IYD: variants seen among roughly 807,000 people sequenced by gnomAD.
The protein encoded by IYD is iodotyrosine deiodinase 1.
Under a neutral mutation model 28.4 loss-of-function variants are expected in IYD, and 25 were observed. The observed-to-expected ratio is 0.88, with a 90% CI of 0.64 to 1.23. The LOEUF is 1.23. Among genes scored for constraint, IYD ranks in the 50% most tolerant of loss-of-function variants. The probability of loss-of-function intolerance (pLI) is 0.00; values close to 1 mark genes in which losing one functional copy is unlikely to be tolerated. For missense variants in IYD, 352 were observed against 357.9 expected, an observed-to-expected ratio of 0.98 and a Z score of 0.13; for synonymous variants, 140 against 130.8, an observed-to-expected ratio of 1.07 and a Z score of -0.48.
At chr6:150,369,590 A>C (rs577283290) in intron 1 of IYD, among the ~76,000 whole-genome samples, 82 of 152,298 alleles carry the variant, frequency 5.4e-4, no homozygotes, top group African/African-American at 1.8e-3. Flanking sequence ...GGCATCACCT[A>C]GGAGGCTGCT....
At chr6:150,388,937 A>G (rs1778004655) in intron 1 of IYD, among the ~76,000 whole-genome samples, 1 of 151,992 alleles carries the variant, frequency 6.6e-6, no homozygotes, top group Non-Finnish European at 1.5e-5. Context: ...CCCAACCTCA[A>G]GTGATCCGCC....
Position 150,399,119 on chromosome 6 carries a change from G to A in IYD, c.*882G>A, listed in dbSNP as rs1033019354. ...GGGTACCCTTGGGTCGCACGGGCCT[G>A]GCTGGCATGTAAACGGTCAGTTGCA... On this transcript the variant is annotated 3_prime_UTR_variant, in exon 5 of 5. Transcript: ENST00000344419. 6.6e-6 allele frequency: 1 copy of A among 152,236 alleles called. No homozygotes were observed. Among genetic ancestry groups the A allele is most frequent in the African/African-American group, 2.4e-5 (1 of 41,432 alleles). 9.4% of individuals were successfully genotyped at this position (152,236 alleles called of 1,614,324 possible). A position where few individuals can be genotyped will look rare whatever the true frequency, so the allele number is the denominator to read the frequency against.
chr6:150,378,792 T>C (rs564087524), intron 1 of IYD, among the ~76,000 whole-genome samples: 1 of 152,296 alleles, frequency 6.6e-6, no homozygotes, highest in African/African-American at 2.4e-5. Flanking sequence ...CATTACTGGG[T>C]ATATACCCAA....
intron 2 of IYD, among the ~76,000 whole-genome samples, chr6:150,390,315 A>T (rs1778066990): frequency 6.6e-6 from 1 of 152,242 alleles, no homozygotes; most frequent in African/African-American, 2.4e-5. Flanking sequence ...CCTAACTAAC[A>T]GCAGTTACTA....
At position 150,394,195 on chromosome 6, in the gene IYD, C is replaced by T. The variant is rs1293236477; in HGVS notation, c.627C>T (p.Val209=). 1 of 1,614,188 alleles carries T rather than the reference C, an allele frequency of 6.2e-7. No homozygotes were observed. Among genetic ancestry groups the T allele is most frequent in the Non-Finnish European group, 8.5e-7 (1 of 1,180,036 alleles). ...TCGCCGCAAATGGCAAGAAAAAAGT[C>T]CACTACTACAATGAGATCAGTGTTT... ...HGFAANGKKK[V]HYYNEISVSI... Residue 209 remains valine (V), a synonymous_variant, in exon 4 of 5, where the codon GTC becomes GTT. Transcript: ENST00000344419.
In IYD at chr6:150,404,356, A is replaced by G. The variant is rs560333203; in HGVS notation, c.*6119A>G. On this transcript the variant is annotated 3_prime_UTR_variant, in exon 5 of 5. Coordinates refer to ENST00000344419, the MANE Select transcript of IYD (RefSeq NM_203395.3). Reference sequence around the variant, plus strand: ...TTAAAAAGCTTATGATTCCAATTTGAAATGTGAAATTGATTTTACGTTTGT... The same window carrying G: ...TTAAAAAGCTTATGATTCCAATTTGGAATGTGAAATTGATTTTACGTTTGT... The G allele has an allele frequency of 2.1e-4, 32 of 152,378 alleles. No individual in the cohort carries two copies. Among genetic ancestry groups the G allele is most frequent in the African/African-American group, 4.8e-5 (2 of 41,600 alleles). 9.4% of individuals were successfully genotyped at this position (152,378 alleles called of 1,614,324 possible). A position where few individuals can be genotyped will look rare whatever the true frequency, so the allele number is the denominator to read the frequency against.
At chr6:150,384,663 G>A (rs1276623952) in intron 1 of IYD, 1 of 152,124 alleles carries the variant, frequency 6.6e-6, no homozygotes, top group African/African-American at 2.4e-5. Flanking sequence ...TAGTTCAGAA[G>A]TATGTCTTTT....
intron 4 of IYD, among the ~76,000 whole-genome samples, chr6:150,394,899 G>A (rs541082454): frequency 6.6e-6 from 1 of 152,316 alleles, no homozygotes; most frequent in East Asian, 1.9e-4. Context: ...CACCATCACA[G>A]CTCACTGCAG....
Position 150,403,217 on chromosome 6 carries a change from A to T in IYD, c.*4980A>T, listed in dbSNP as rs1778558967. ...GAAAAACACATAGTTATCAGTGGAT[A>T]TTATGCCAGAGAGGCATGAGAAATA... On this transcript the variant is annotated 3_prime_UTR_variant, in exon 5 of 5. Coordinates refer to ENST00000344419, the MANE Select transcript of IYD (RefSeq NM_203395.3). 6.6e-6 allele frequency: 1 copy of T among 152,270 alleles called. No homozygotes were observed. The highest frequency in any genetic ancestry group is 2.4e-5 in the African/African-American group (1 of 41,476). 9.4% of individuals were successfully genotyped at this position (152,270 alleles called of 1,614,324 possible).
Position 150,383,806 on chromosome 6 carries a change from AAAC to A in IYD, c.179-5543_179-5541del, listed in dbSNP as rs1166368381. Among the ~76,000 whole-genome samples, 63 of 28,824 alleles carry A rather than the reference AAAC, an allele frequency of 2.2e-3. 1 individual carries two copies. In the East Asian group the frequency reaches 0.043, roughly 20 times the overall value. The allele number at this position is 28,824 out of a possible 152,430, so 18.9% of individuals were successfully genotyped here. ...AGACCAAGTCTCTAAAAAAAAAAAA[AAAC>A]AAAAACAAAAACAAAAAAAATTAAT... On this transcript the variant is annotated intron_variant, in intron 1 of 4. Transcript: ENST00000344419.
chr6:150,395,567 G>A, intron 4 of IYD: 1 of 1,536,924 alleles, frequency 6.5e-7, no homozygotes, highest in Non-Finnish European at 8.7e-7. Flanking sequence ...GGCTGCCCAG[G>A]TGCCTCTGCA....
At chr6:150,387,737 T>A (rs896957873) in intron 1 of IYD, among the ~76,000 whole-genome samples, 7 of 152,166 alleles carry the variant, frequency 4.6e-5, no homozygotes, top group African/African-American at 1.7e-4. Flanking sequence ...TCAACCATCC[T>A]TTTAAGTTCT....
chr6:150,389,649 T>A (rs1288741586), intron 2 of IYD, 106 bp downstream of exon 2: 12 of 1,021,268 alleles, frequency 1.2e-5, no homozygotes, highest in Admixed American at 1.0e-4. Flanking sequence ...AAGCCTAGAG[T>A]GATATGTTTA....
At chr6:150,382,365 T>G (rs1360214553) in intron 1 of IYD, among the ~76,000 whole-genome samples, 1 of 152,160 alleles carries the variant, frequency 6.6e-6, no homozygotes. Context: ...AGCTACTTCC[T>G]ATAAACATTC....
rs2076285 is a variant in IYD, at chr6:150,398,268, T to A, written c.*31T>A. 6 of 1,607,304 alleles carry A rather than the reference T, an allele frequency of 3.7e-6. No individual in the cohort carries two copies. Among genetic ancestry groups the A allele is most frequent in the Non-Finnish European group, 5.1e-6 (6 of 1,174,606 alleles). ...GCCCCCCAAGGGAGTGGCAGGGAGA[T>A]GGCGCCCCTGCTTTTCCCTGAGCCT... On this transcript the variant is annotated 3_prime_UTR_variant, in exon 5 of 5. Transcript: ENST00000344419.
chr6:150,396,029 C>G (rs562945915), intron 4 of IYD: 2 of 250,076 alleles, frequency 8.0e-6, no homozygotes, highest in South Asian at 9.9e-5. Flanking sequence ...AATATACAAG[C>G]CTTTATTAAT....
At chr6:150,386,232 T>A (rs943806049) in intron 1 of IYD, among the ~76,000 whole-genome samples, 1 of 152,122 alleles carries the variant, frequency 6.6e-6, no homozygotes, top group Non-Finnish European at 1.5e-5. Context: ...TCCTATCTAA[T>A]GTATGTATGT....
intron 1 of IYD, chr6:150,370,476 G>A (rs759037772): frequency 9.6e-5 from 95 of 985,184 alleles, no homozygotes; most frequent in Non-Finnish European, 1.1e-4. Flanking sequence ...TCTCAGGACC[G>A]GGGCGCAGGG....
chr6:150,402,231 A>G lies in IYD; in HGVS notation c.*3994A>G, dbSNP rs1286373865. 1 of 152,158 alleles carries G rather than the reference A, an allele frequency of 6.6e-6. No homozygotes were observed. Among genetic ancestry groups the G allele is most frequent in the East Asian group, 1.9e-4 (1 of 5,184 alleles). 9.4% of individuals were successfully genotyped at this position (152,158 alleles called of 1,614,324 possible). ...GTAACCCAGTAATACTGTGGGATGC[A>G]ACTTCTAGGGCATGGCTGCCTCCTT... On this transcript the variant is annotated 3_prime_UTR_variant, in exon 5 of 5. Transcript: ENST00000344419.
Sources: allele counts gnomAD v4.1 joint callset (sites outside exome capture counted in the v4.1 genomes callset), GRCh38; gene constraint gnomAD v4.1.1; transcripts MANE v1.5; gene names NCBI Gene and HGNC (gene_info 2026-07-23, HGNC 2026-07-21).